The following RPTOR variants were observed in gnomAD, a reference collection of about 807,000 sequenced individuals.
RPTOR encodes the protein regulatory associated protein of MTOR complex 1.
A neutral mutation model predicts 169.9 loss-of-function variants in RPTOR; 21 were observed. That is an observed-to-expected ratio of 0.12 (90% CI 0.09 to 0.18). The LOEUF is 0.18. Among genes scored for constraint, RPTOR ranks in the 10% least tolerant of loss-of-function variants. RPTOR has a pLI of 1.00. For synonymous variants in RPTOR, 732 were observed against 753.2 expected, an observed-to-expected ratio of 0.97 and a Z score of 0.46; for missense variants, 1,133 against 1,855.9, an observed-to-expected ratio of 0.61 and a Z score of 7.16.
chr17:80,914,609 C>T (rs2068650961), intron 21 of RPTOR, among the ~76,000 whole-genome samples: 1 of 152,262 alleles, frequency 6.6e-6, no homozygotes, highest in South Asian at 2.1e-4. Flanking sequence ...AAAGTTGAGG[C>T]TGTACCCAGG....
intron 10 of RPTOR, among the ~76,000 whole-genome samples, chr17:80,843,126 T>C (rs963300850): frequency 6.6e-6 from 1 of 152,258 alleles, no homozygotes; most frequent in African/African-American, 2.4e-5. Flanking sequence ...TGTTAATTTC[T>C]GCAAAGAACC....
intron 5 of RPTOR, among the ~76,000 whole-genome samples, chr17:80,732,081 G>C (rs1045925256): frequency 6.6e-6 from 1 of 152,058 alleles, no homozygotes; most frequent in African/African-American, 2.4e-5. Context: ...TTTACCCAGG[G>C]GATAGGTTAT....
At chr17:80,784,478 G>A (rs757748595) in intron 6 of RPTOR, among the ~76,000 whole-genome samples, 6 of 151,842 alleles carry the variant, frequency 4.0e-5, no homozygotes, top group Non-Finnish European at 5.9e-5. Context: ...TGCAACCTCC[G>A]CCTTCTGGGT....
chr17:80,599,866 A>G (rs145832777), intron 1 of RPTOR, among the ~76,000 whole-genome samples: 2 of 152,306 alleles, frequency 1.3e-5, no homozygotes, highest in African/African-American at 4.8e-5. Context: ...TGTGTATTTA[A>G]TGAACTTGCT....
intron 21 of RPTOR, among the ~76,000 whole-genome samples, chr17:80,916,152 G>T (rs2068670998): frequency 6.6e-6 from 1 of 152,190 alleles, no homozygotes; most frequent in African/African-American, 2.4e-5. Context: ...CATGCCCCTT[G>T]CTTGCCACTT....
chr17:80,671,182 C>T (rs2065819078), intron 3 of RPTOR, among the ~76,000 whole-genome samples: 1 of 152,226 alleles, frequency 6.6e-6, no homozygotes, highest in South Asian at 2.1e-4. Context: ...TCCACGGGCC[C>T]CTCCTGGCCT....
chr17:80,863,790 C>T (rs757243781), intron 13 of RPTOR, among the ~76,000 whole-genome samples: 21 of 152,144 alleles, frequency 1.4e-4, no homozygotes, highest in East Asian at 5.8e-4. Context: ...CATGTTGGCG[C>T]GTGCCTGTAG....
chr17:80,907,191 G>A (rs1488789456), intron 20 of RPTOR, among the ~76,000 whole-genome samples: 1 of 152,242 alleles, frequency 6.6e-6, no homozygotes, highest in Admixed American at 6.5e-5. Flanking sequence ...CCAACAATCA[G>A]GTGGACTGGA....
At chr17:80,588,195 C>T (rs2065077881) in intron 1 of RPTOR, among the ~76,000 whole-genome samples, 1 of 150,206 alleles carries the variant, frequency 6.7e-6, no homozygotes, top group African/African-American at 2.5e-5. Context: ...TGGAATCTCG[C>T]CATGTCGCCC....
chr17:80,595,908 A>G (rs552856345), intron 1 of RPTOR, among the ~76,000 whole-genome samples: 1 of 152,172 alleles, frequency 6.6e-6, no homozygotes, highest in Admixed American at 6.5e-5. Flanking sequence ...TTTGGGATGC[A>G]GTGTTTTGAG....
At chr17:80,650,446 C>T (rs2065631309) in intron 3 of RPTOR, among the ~76,000 whole-genome samples, 1 of 152,200 alleles carries the variant, frequency 6.6e-6, no homozygotes, top group Non-Finnish European at 1.5e-5. Context: ...GCGGGAGCGC[C>T]CCTCTCACTG....
At chr17:80,700,439 A>ATGG (rs138115583) in intron 3 of RPTOR, among the ~76,000 whole-genome samples, 1 of 93,852 alleles carries the variant, frequency 1.1e-5, no homozygotes, top group Non-Finnish European at 2.4e-5. Context: ...GGTGGTTATG[A>ATGG]TGGTGGTGGT....
chr17:80,634,171 CTG>C (rs757736290), intron 2 of RPTOR, among the ~76,000 whole-genome samples: 19 of 109,126 alleles, frequency 1.7e-4, no homozygotes, highest in East Asian at 8.6e-4. Context: ...TGTGTGCATA[CTG>C]TGTGTGTGCG....
intron 28 of RPTOR, among the ~76,000 whole-genome samples, chr17:80,951,931 A>G (rs986133310): frequency 2.0e-5 from 3 of 152,210 alleles, no homozygotes; most frequent in African/African-American, 4.8e-5. Flanking sequence ...CCCTAACCCA[A>G]TGTGCCTCGT....
intron 25 of RPTOR, among the ~76,000 whole-genome samples, chr17:80,943,539 C>G (rs2069060206): frequency 6.6e-6 from 1 of 152,230 alleles, no homozygotes; most frequent in Non-Finnish European, 1.5e-5. Flanking sequence ...TGGGCTCCTC[C>G]TGCTGCAAAG....
intron 1 of RPTOR, among the ~76,000 whole-genome samples, chr17:80,571,678 A>G (rs556249889): frequency 1.3e-5 from 2 of 152,110 alleles, no homozygotes; most frequent in East Asian, 3.9e-4. Flanking sequence ...ACACCACCAC[A>G]CCAAGCTAAT....
chr17:80,875,177 G>A (rs2068093408), intron 13 of RPTOR, among the ~76,000 whole-genome samples: 1 of 152,154 alleles, frequency 6.6e-6, no homozygotes, highest in African/African-American at 2.4e-5. Flanking sequence ...TCTTCCCATG[G>A]CATCTTTTGC....
rs2143098718 is a variant in RPTOR, at chr17:80,708,712, G to C, written c.507+713G>C. 6.6e-6 allele frequency among the ~76,000 whole-genome samples: 1 copy of C among 152,240 alleles called. No homozygotes were observed. Among genetic ancestry groups the C allele is most frequent in the African/African-American group, 2.4e-5 (1 of 41,502 alleles). Reference sequence around the variant, plus strand: ...GTGCTGACTGTCTCCCCATCCTCCAGGGTGGGAACCTTGGTCTGTCTCAGA... The same window carrying C: ...GTGCTGACTGTCTCCCCATCCTCCACGGTGGGAACCTTGGTCTGTCTCAGA... On this transcript the variant is annotated intron_variant, in intron 4 of 33. Coordinates refer to ENST00000306801, the MANE Select transcript of RPTOR (RefSeq NM_020761.3). This position sits in a 1 kb window ranked among gnomAD's most constrained non-coding sequence, Gnocchi z 4.2.
At chr17:80,645,543 T>G (rs1008071667) in intron 3 of RPTOR, among the ~76,000 whole-genome samples, 1 of 152,246 alleles carries the variant, frequency 6.6e-6, no homozygotes, top group Non-Finnish European at 1.5e-5. Context: ...TGTATTCCAT[T>G]TGCTCTGATT....
Sources: allele counts gnomAD v4.1 joint callset (sites outside exome capture counted in the v4.1 genomes callset), GRCh38; gene constraint gnomAD v4.1.1; non-coding constraint Gnocchi (gnomAD v3.1); transcripts MANE v1.5; gene names NCBI Gene and HGNC (gene_info 2026-07-23, HGNC 2026-07-21).